Variants in PROM1 observed in about 807,000 individuals in gnomAD.
PROM1 encodes prominin-1.
Under a neutral mutation model 116.9 loss-of-function variants are expected in PROM1, and 105 were observed. The observed-to-expected ratio is 0.90, with a 90% CI of 0.77 to 1.06. The LOEUF (loss-of-function observed/expected upper bound fraction) is 1.06, where lower values mean the gene tolerates loss of function less well. Among genes scored for constraint, PROM1 ranks in the 50% least tolerant of loss-of-function variants. The pLI is 0.00. For missense variants in PROM1, 1,122 were observed against 1,045.2 expected, an observed-to-expected ratio of 1.07 and a Z score of -1.01; for synonymous variants, 393 against 387.0, an observed-to-expected ratio of 1.02 and a Z score of -0.18.
intron 13 of PROM1, among the ~76,000 whole-genome samples, chr4:16,005,493 T>G (rs1725204497): frequency 1.7e-5 from 2 of 119,788 alleles, no homozygotes; most frequent in African/African-American, 6.5e-5. Context: ...TTTTGTTTGT[T>G]TGGTGTGTGT....
chr4:16,011,883 C>T (rs1726958703), intron 11 of PROM1, among the ~76,000 whole-genome samples: 1 of 152,184 alleles, frequency 6.6e-6, no homozygotes, highest in Non-Finnish European at 1.5e-5. Context: ...GTATCTCTAA[C>T]ATAATATTTT....
At chr4:15,991,916 C>G (rs1721113252) in intron 17 of PROM1, among the ~76,000 whole-genome samples, 2 of 111,912 alleles carry the variant, frequency 1.8e-5, no homozygotes, top group African/African-American at 7.2e-5. Context: ...AGCCTGGTGA[C>G]AGAGCGAGAC....
Position 15,999,246 on chromosome 4 carries a change from C to T in PROM1, c.1579-758G>A, listed in dbSNP as rs1370997495. On this transcript the variant is annotated intron_variant, in intron 14 of 27. Coordinates refer to ENST00000447510, the MANE Select transcript of PROM1 (RefSeq NM_006017.3). ...CAGCACTTTGGGAGGCCAAGGTGGG[C>T]AGATCACGAGGTCAGGAGATCGAGA... is the stretch of plus-strand genomic sequence containing the variant. Among the ~76,000 whole-genome samples, 5 of 152,002 alleles carry T rather than the reference C, an allele frequency of 3.3e-5. No individual in the cohort carries two copies. In the East Asian group the frequency reaches 7.9e-4, roughly 24 times the overall value.
chr4:16,071,628 C>A (rs538967092), intron 2 of PROM1, among the ~76,000 whole-genome samples: 2 of 152,168 alleles, frequency 1.3e-5, no homozygotes, highest in Non-Finnish European at 2.9e-5. Context: ...GGAGCCTGCA[C>A]CCAGGAAAGA....
chr4:16,015,403 G>A (rs1222802252), intron 10 of PROM1, among the ~76,000 whole-genome samples: 1 of 134,902 alleles, frequency 7.4e-6, no homozygotes, highest in Non-Finnish European at 1.6e-5. Flanking sequence ...AAAAAACTAA[G>A]TAGCGGCTGG....
At chr4:16,053,447 T>C (rs1265376208) in intron 2 of PROM1, among the ~76,000 whole-genome samples, 1 of 152,252 alleles carries the variant, frequency 6.6e-6, no homozygotes, top group Non-Finnish European at 1.5e-5. Flanking sequence ...TTCTCCCTTG[T>C]TGTGATTCCG....
chr4:16,006,313 GTGTTGT>G (rs151170947), intron 13 of PROM1, among the ~76,000 whole-genome samples: 16 of 152,300 alleles, frequency 1.1e-4, no homozygotes, highest in East Asian at 5.8e-4. Context: ...AAGTAATTTA[GTGTTGT>G]TGTTGTTGTT....
At chr4:15,981,303 G>T (rs1311788748) in intron 23 of PROM1, among the ~76,000 whole-genome samples, 4 of 150,276 alleles carry the variant, frequency 2.7e-5, no homozygotes, top group Non-Finnish European at 5.9e-5. Context: ...AGGTGCGGTG[G>T]CTCATTCCTG....
chr4:15,996,929 T>C (rs774029410), intron 15 of PROM1, among the ~76,000 whole-genome samples: 1 of 152,142 alleles, frequency 6.6e-6, no homozygotes, highest in Non-Finnish European at 1.5e-5. Context: ...CCCTGTTATT[T>C]TTAGTTTCAT....
intron 2 of PROM1, among the ~76,000 whole-genome samples, chr4:16,056,156 A>G (rs1171471541): frequency 6.6e-6 from 1 of 152,192 alleles, no homozygotes; most frequent in Non-Finnish European, 1.5e-5. Flanking sequence ...ATATTCATTT[A>G]AGAGAGTCCA....
intron 8 of PROM1, among the ~76,000 whole-genome samples, chr4:16,022,492 T>C (rs1046522893): frequency 1.3e-5 from 2 of 152,236 alleles, no homozygotes; most frequent in Non-Finnish European, 2.9e-5. Flanking sequence ...CTCCAGTTTC[T>C]GCACATTTGT....
At chr4:16,000,472 T>C in intron 14 of PROM1, 24 bp downstream of exon 14, 2 of 1,547,372 alleles carry the variant, frequency 1.3e-6, no homozygotes, top group Non-Finnish European at 1.8e-6. Context: ...AGTCCTTTCA[T>C]AATGGGTAGA....
intron 12 of PROM1, 104 bp from the exon 13 acceptor site, chr4:16,006,794 T>C: frequency 8.4e-7 from 1 of 1,188,204 alleles, no homozygotes; most frequent in Non-Finnish European, 1.2e-6. Context: ...TCTTGGCTTC[T>C]AAAATCAGAG....
intron 2 of PROM1, among the ~76,000 whole-genome samples, chr4:16,057,820 G>A (rs572266753): frequency 4.9e-4 from 74 of 152,244 alleles, no homozygotes; most frequent in African/African-American, 1.8e-3. Flanking sequence ...AAGCAAGCCC[G>A]GGGACCTAAG....
intron 2 of PROM1, among the ~76,000 whole-genome samples, chr4:16,056,417 C>T (rs1041146228): frequency 1.3e-5 from 2 of 151,976 alleles, no homozygotes; most frequent in Non-Finnish European, 2.9e-5. Flanking sequence ...GTACTTGCTG[C>T]GTTGTGGGCA....
In PROM1 at chr4:15,968,947, T is replaced by C. The variant is rs1046767148; in HGVS notation, c.*446A>G. ...AAAAACTCTGTGGTAACAAAAGGTA[T>C]ATACACCGTTTACTGTACACAAAAT... On this transcript the variant is annotated 3_prime_UTR_variant, in exon 28 of 28. Coordinates refer to ENST00000447510, the MANE Select transcript of PROM1 (RefSeq NM_006017.3). 1.2e-4 allele frequency: 18 copies of C among 152,236 alleles called. No individual in the cohort carries two copies. Among genetic ancestry groups the C allele is most frequent in the African/African-American group, 3.9e-4 (16 of 41,464 alleles). The allele number at this position is 152,236 out of a possible 1,614,324, so 9.4% of individuals were successfully genotyped here. A position where few individuals can be genotyped will look rare whatever the true frequency, so the allele number is the denominator to read the frequency against.
intron 5 of PROM1, among the ~76,000 whole-genome samples, chr4:16,028,669 AT>A (rs1280578230): frequency 6.9e-6 from 1 of 144,634 alleles, no homozygotes; most frequent in Non-Finnish European, 1.5e-5. Flanking sequence ...AAATATTTTT[AT>A]TTGAACAACC....
intron 2 of PROM1, among the ~76,000 whole-genome samples, chr4:16,071,435 A>T (rs562739002): frequency 2.0e-5 from 3 of 152,152 alleles, no homozygotes; most frequent in Non-Finnish European, 4.4e-5. Context: ...TCACGTCCTG[A>T]ATATCTGTGT....
chr4:15,971,098 AT>A lies in PROM1; in HGVS notation c.2583-17del. On this transcript the variant is annotated splice_polypyrimidine_tract_variant and intron_variant, in intron 26 of 27. Coordinates refer to ENST00000447510, the MANE Select transcript of PROM1 (RefSeq NM_006017.3). ...TTGTGATGGGCTAAAAAACAAAAAA[AT>A]AAAGAAATATAATACCCCCAACAAA... is the stretch of plus-strand genomic sequence containing the variant. 1 of 1,551,676 alleles carries A rather than the reference AT, an allele frequency of 6.4e-7. No individual in the cohort carries two copies. Among genetic ancestry groups the A allele is most frequent in the Non-Finnish European group, 8.7e-7 (1 of 1,150,062 alleles).
Sources: allele counts gnomAD v4.1 joint callset (sites outside exome capture counted in the v4.1 genomes callset), GRCh38; gene constraint gnomAD v4.1.1; transcripts MANE v1.5; gene names NCBI Gene and HGNC (gene_info 2026-07-23, HGNC 2026-07-21).